Variants in TAF1C observed in about 807,000 individuals in gnomAD.
The protein encoded by TAF1C is TATA-box binding protein associated factor, RNA polymerase I subunit C, also known as TATA box-binding protein-associated factor RNA polymerase I subunit C.
A neutral mutation model predicts 70.5 loss-of-function variants in TAF1C; 79 were observed. The observed-to-expected ratio is 1.12, with a 90% CI of 0.93 to 1.35. The LOEUF (loss-of-function observed/expected upper bound fraction) is 1.35, where lower values mean the gene tolerates loss of function less well. Ranked by LOEUF, TAF1C falls within the 40% of genes most tolerant of loss-of-function variation. TAF1C has a pLI of 0.00. For synonymous variants in TAF1C, 614 were observed against 491.1 expected, an observed-to-expected ratio of 1.25 and a Z score of -3.31; for missense variants, 1,412 against 1,127.8, an observed-to-expected ratio of 1.25 and a Z score of -3.61.
chr16:84,185,677 G>A, intron 1 of TAF1C: 1 of 152,378 alleles, frequency 6.6e-6, no homozygotes, highest in Non-Finnish European at 1.5e-5. Flanking sequence ...GAGGCAGGCG[G>A]ATCACCTGAG....
Position 84,182,907 on chromosome 16 carries a change from C to T in TAF1C, c.482+169G>A, listed in dbSNP as rs998076089. The stretch of plus-strand genomic sequence containing the variant: ...ACTCCACAAATGTAAATCTGCTTTC[C>T]CCTGAGATGATTTGGAGTTGGAAGT... On this transcript the variant is annotated intron_variant, in intron 6 of 14. Transcript: ENST00000566732. This position sits in a 1 kb window ranked among gnomAD's most constrained non-coding sequence, Gnocchi z 5.0. Among the ~76,000 whole-genome samples, 34 of 152,206 alleles carry T rather than the reference C, an allele frequency of 2.2e-4. No individual in the cohort carries two copies. The highest frequency in any genetic ancestry group is 8.2e-4 in the African/African-American group (34 of 41,444).
At position 84,181,651 on chromosome 16, in the gene TAF1C, G is replaced by C. The variant is rs745465361; in HGVS notation, c.969C>G (p.Pro323=). The C allele has an allele frequency of 6.2e-7, 1 of 1,613,664 alleles. No homozygotes were observed. The highest frequency in any genetic ancestry group is 1.3e-5 in the African/African-American group (1 of 74,882). The change falls in exon 10 of 15, where the codon CCC becomes CCG. Residue 323 remains proline, a synonymous_variant. Transcript: ENST00000566732. ...AGCGGCTGCAGATGGCCAGCTCCCCGGGCAGGTGAGGGCTACAGGGCAGGA... is the reference window on the plus strand; with the variant it reads ...AGCGGCTGCAGATGGCCAGCTCCCCCGGCAGGTGAGGGCTACAGGGCAGGA... ...ATGISLSPHL[P]GELAICSRSG... is the part of the protein sequence containing the mutation.
In TAF1C at chr16:84,181,390, T is replaced by C. The variant is rs2089181228; in HGVS notation, c.1102A>G (p.Thr368Ala). 1.9e-6 allele frequency: 3 copies of C among 1,613,718 alleles called. No individual in the cohort carries two copies. The highest frequency in any genetic ancestry group is 2.5e-6 in the Non-Finnish European group (3 of 1,179,962). Residue 368 changes from threonine to alanine, a missense_variant, in exon 11 of 15, where the codon ACT becomes GCT. Transcript: ENST00000566732. ...ACGGTCAGCACCCGAGGGTGCGCAG[T>C]GAAGTCTGCCCAACGCCACGAAGAG... ...DSSSWRWADF[T>A]AHPRVLTVGD...
chr16:84,182,032 C>G lies in TAF1C; in HGVS notation c.748G>C (p.Gly250Arg), dbSNP rs2089229173. Reference sequence around the variant, plus strand: ...TTCCCAAGGAATTGGGGATTGTCACCTGGGGTCAGAACGACCTCTTGGAAA... The same window carrying G: ...TTCCCAAGGAATTGGGGATTGTCACGTGGGGTCAGAACGACCTCTTGGAAA... ...LHFQEVVLTP[G>R]DNPQFLGKPG... Residue 250 changes from glycine (G) to arginine (R), a missense_variant, in exon 8 of 15, where the codon GGT (glycine) becomes CGT (arginine). Coordinates refer to ENST00000566732, the MANE Select transcript of TAF1C (RefSeq NM_001243156.2). The surrounding 1 kb of genome is among the most constrained non-coding windows in gnomAD (Gnocchi z 5.0). 1 of 1,613,352 alleles carries G rather than the reference C, an allele frequency of 6.2e-7. No homozygotes were observed.
chr16:84,184,759 C>A, intron 2 of TAF1C, 92 bp downstream of exon 2: 4 of 1,460,060 alleles, frequency 2.7e-6, no homozygotes, highest in Non-Finnish European at 3.7e-6. Flanking sequence ...TGCCACCACT[C>A]TGTGGCCTTG....
intron 8 of TAF1C, 27 bp from the exon 9 acceptor site, chr16:84,181,890 G>A (rs1370369865): frequency 1.9e-6 from 3 of 1,614,168 alleles, no homozygotes; most frequent in East Asian, 2.2e-5. Flanking sequence ...AGGGCCAGGG[G>A]TCAGGTAGCA....
rs1341337931 is a variant in TAF1C, at chr16:84,185,015, C to A, written c.-27G>T. On this transcript the variant is annotated 5_prime_UTR_variant, in exon 2 of 15. Coordinates refer to ENST00000566732, the MANE Select transcript of TAF1C (RefSeq NM_001243156.2). ...CTGGAAACAAGGACCAAGCACCACA[C>A]TGGCCACCTCGAGAGACTGGAAGCT... 3 of 1,607,882 alleles carry A rather than the reference C, an allele frequency of 1.9e-6. No homozygotes were observed. Among genetic ancestry groups the A allele is most frequent in the Non-Finnish European group, 2.5e-6 (3 of 1,176,558 alleles).
Position 84,181,868 on chromosome 16 carries a change from G to A in TAF1C, c.839-5C>T, listed in dbSNP as rs780240179. On this transcript the variant is annotated splice_polypyrimidine_tract_variant and splice_region_variant and intron_variant, in intron 8 of 14. Coordinates refer to ENST00000566732, the MANE Select transcript of TAF1C (RefSeq NM_001243156.2). ...CAGAGCGGACGGCCAGCAGAGCTGA[G>A]GAGGGATGGAAAGGGCCAGGGGTCA... is the stretch of plus-strand genomic sequence containing the variant. 1.9e-5 allele frequency: 31 copies of A among 1,614,084 alleles called. No homozygotes were observed. Among genetic ancestry groups the A allele is most frequent in the Non-Finnish European group, 2.2e-5 (26 of 1,180,042 alleles).
Position 84,181,202 on chromosome 16 carries a change from A to G in TAF1C, c.1165-16T>C. 1 of 1,598,814 alleles carries G rather than the reference A, an allele frequency of 6.3e-7. No homozygotes were observed. The highest frequency in any genetic ancestry group is 1.3e-5 in the African/African-American group (1 of 74,758). On this transcript the variant is annotated splice_polypyrimidine_tract_variant and intron_variant, in intron 11 of 14. Coordinates refer to ENST00000566732, the MANE Select transcript of TAF1C (RefSeq NM_001243156.2). ...CCGGCGGGCCCTGGAAGATAAACAC[A>G]GGGTCAGCCCTCCCCACAGTCCCAG...
At chr16:84,180,720 C>G (rs774039100) in intron 12 of TAF1C, 19 of 1,082,818 alleles carry the variant, frequency 1.8e-5, no homozygotes, top group Non-Finnish European at 2.3e-5. Context: ...GACAGACCTG[C>G]TTCCTCAGAG....
At chr16:84,180,430 G>T in intron 12 of TAF1C, 86 bp from the exon 13 acceptor site, 2 of 1,372,938 alleles carry the variant, frequency 1.5e-6, no homozygotes, top group African/African-American at 2.9e-5. Flanking sequence ...GGCTCTCCAG[G>T]TGAGTGCAGA....
At chr16:84,180,994 A>C in intron 12 of TAF1C, 49 bp downstream of exon 12, 1 of 1,564,430 alleles carries the variant, frequency 6.4e-7, no homozygotes, top group Non-Finnish European at 8.7e-7. Flanking sequence ...TCTAGTGACC[A>C]TCTGAGACAG....
At position 84,178,018 on chromosome 16, in the gene TAF1C, A is replaced by G. The variant is rs1411859156; in HGVS notation, c.*923T>C. The G allele has an allele frequency of 3.1e-6, 2 of 638,726 alleles. No individual in the cohort carries two copies. Among genetic ancestry groups the G allele is most frequent in the African/African-American group, 3.6e-5 (2 of 55,658 alleles). 39.6% of individuals were successfully genotyped at this position (638,726 alleles called of 1,614,324 possible). ...AAAAAGACCTTTCTCTTACTATGTCATCAGAAACCAGACAGACCCGGGTCC... is the reference window on the plus strand; with the variant it reads ...AAAAAGACCTTTCTCTTACTATGTCGTCAGAAACCAGACAGACCCGGGTCC... On this transcript the variant is annotated 3_prime_UTR_variant, in exon 15 of 15. Coordinates refer to ENST00000566732, the MANE Select transcript of TAF1C (RefSeq NM_001243156.2).
intron 12 of TAF1C, 162 bp downstream of exon 12, chr16:84,180,881 C>G: frequency 7.0e-7 from 1 of 1,427,146 alleles, no homozygotes; most frequent in Non-Finnish European, 9.2e-7. Flanking sequence ...TTAGCACCGA[C>G]TGTGGGATCC....
rs1386069402 is a variant in TAF1C, at chr16:84,179,298, C to A, written c.2175G>T (p.Lys725Asn). ...SEPGRQTRRP[K>N]RRTQLSSSFS... The stretch of plus-strand genomic sequence containing the variant: ...AGCTGCTGGACAGCTGGGTCCGGCG[C>A]TTGGGCCGCCTGGTCTGTCTCCCGG... The change falls in exon 15 of 15, where the codon AAG becomes AAT. Residue 725 changes from lysine to asparagine, a missense_variant. Physicochemically the swap from Lys to Asn is moderately conservative, Grantham distance 94. Transcript: ENST00000566732. 4 of 1,595,662 alleles carry A rather than the reference C, an allele frequency of 2.5e-6. No homozygotes were observed. The highest frequency in any genetic ancestry group is 2.5e-6 in the Non-Finnish European group (3 of 1,176,952).
At chr16:84,183,558 G>T in intron 3 of TAF1C, 51 bp from the exon 4 acceptor site, 5 of 1,568,852 alleles carry the variant, frequency 3.2e-6, no homozygotes, top group Non-Finnish European at 4.3e-6. Flanking sequence ...AGTGCGGCCA[G>T]ATGCCCTGGG....
In TAF1C at chr16:84,187,041, G is replaced by T. The variant is rs985172922; in HGVS notation, c.-213C>A. 6.6e-6 allele frequency: 1 copy of T among 152,176 alleles called. No homozygotes were observed. Among genetic ancestry groups the T allele is most frequent in the African/African-American group, 2.4e-5 (1 of 41,454 alleles). 9.4% of individuals were successfully genotyped at this position (152,176 alleles called of 1,614,324 possible). ...GTCAGCCCCGCCGCAGCTACCCACG[G>T]TCTTCCGGTTTGGACCGGAAGTGCC... On this transcript the variant is annotated 5_prime_UTR_variant, in exon 1 of 15. Transcript: ENST00000566732.
chr16:84,179,360 C>G lies in TAF1C; in HGVS notation c.2113G>C (p.Ala705Pro), dbSNP rs980601428. The change falls in exon 15 of 15, where the codon GCC (alanine) becomes CCC (proline). Residue 705 changes from alanine (A) to proline (P), a missense_variant. Physicochemically the swap from Ala to Pro is conservative, Grantham distance 27 (BLOSUM62 -1). Coordinates refer to ENST00000566732, the MANE Select transcript of TAF1C (RefSeq NM_001243156.2). ...CTGCCCTGCTGCCTCTCCCACCAGG[C>G]AGCCCCTCGGCCTGCCCAGGCTTCC... ...LGEAWAGRGA[A>P]WWERQQGRTS... is the part of the protein sequence containing the mutation. 6.2e-7 allele frequency: 1 copy of G among 1,600,752 alleles called. No homozygotes were observed. Among genetic ancestry groups the G allele is most frequent in the Non-Finnish European group, 8.5e-7 (1 of 1,179,074 alleles).
At position 84,180,257 on chromosome 16, in the gene TAF1C, G is replaced by C. The variant is rs756288571; in HGVS notation, c.1396C>G (p.Arg466Gly). The C allele has an allele frequency of 3.9e-6, 6 of 1,543,770 alleles. No homozygotes were observed. Among genetic ancestry groups the C allele is most frequent in the Non-Finnish European group, 5.2e-6 (6 of 1,147,474 alleles). Residue 466 changes from arginine (R) to glycine (G), a missense_variant, in exon 13 of 15, where the codon CGA (arginine) becomes GGA (glycine). By Grantham distance (125) the Arg-to-Gly change is moderately radical. Coordinates refer to ENST00000566732, the MANE Select transcript of TAF1C (RefSeq NM_001243156.2). ...CTGGGCCGGGGCGGAGGCAGCAGTC[G>C]GGCCAGCAGGAGCGGGGAGGGGAGG... Reference protein sequence around the residue: ...HGLPSPLLLARLLPPPRPSCV... With the variant: ...HGLPSPLLLAGLLPPPRPSCV...
Sources: allele counts gnomAD v4.1 joint callset (sites outside exome capture counted in the v4.1 genomes callset), GRCh38; gene constraint gnomAD v4.1.1; non-coding constraint Gnocchi (gnomAD v3.1); transcripts MANE v1.5; gene names NCBI Gene and HGNC (gene_info 2026-07-23, HGNC 2026-07-21).